PCDHGA4: variants seen among roughly 807,000 people sequenced by gnomAD.
PCDHGA4 encodes protocadherin gamma subfamily A, 4.
A neutral mutation model predicts 54.6 loss-of-function variants in PCDHGA4; 38 were observed. The ratio of observed to expected loss-of-function variants is 0.70; its 90% confidence interval spans 0.54 to 0.91. The LOEUF (loss-of-function observed/expected upper bound fraction) is 0.91. Ranked by LOEUF, PCDHGA4 falls within the 40% of genes least tolerant of loss-of-function variation. The pLI is 0.00. For synonymous variants in PCDHGA4, 511 were observed against 512.9 expected, an observed-to-expected ratio of 1.00 and a Z score of 0.05; for missense variants, 1,298 against 1,220.9, an observed-to-expected ratio of 1.06 and a Z score of -0.94.
chr5:141,451,593 C>A (rs2098719809), intron 1 of PCDHGA4, among the ~76,000 whole-genome samples: 1 of 152,042 alleles, frequency 6.6e-6, no homozygotes, highest in African/African-American at 2.4e-5. Context: ...TTGAAAGTGA[C>A]ATACAAGGCT....
At chr5:141,447,636 T>C (rs772671166) in intron 1 of PCDHGA4, among the ~76,000 whole-genome samples, 49 of 152,136 alleles carry the variant, frequency 3.2e-4, no homozygotes, top group Non-Finnish European at 5.3e-4. Context: ...ACAGTATGAA[T>C]GATGGTAGAA....
chr5:141,357,313 C>T lies in PCDHGA4; in HGVS notation c.2206C>T (p.Leu736=). 1.9e-6 allele frequency: 3 copies of T among 1,614,110 alleles called. No homozygotes were observed. Among genetic ancestry groups the T allele is most frequent in the Non-Finnish European group, 2.5e-6 (3 of 1,179,952 alleles). ...VAVAAVSCVF[L]AFVTVLLALK... ...AGTGGCCGCTGTCTCCTGCGTCTTC[C>T]TGGCTTTTGTCACGGTGCTGCTAGC... Residue 736 remains leucine (L), a synonymous_variant, in exon 1 of 4, where the codon CTG becomes TTG. Transcript: ENST00000571252.
chr5:141,470,652 C>T (rs923672818), intron 1 of PCDHGA4, among the ~76,000 whole-genome samples: 1 of 152,100 alleles, frequency 6.6e-6, no homozygotes, highest in African/African-American at 2.4e-5. Context: ...AAGGCCCCTA[C>T]CCTTTGGTTA....
chr5:141,426,589 T>G (rs2096945227), intron 1 of PCDHGA4: 1 of 369,180 alleles, frequency 2.7e-6, no homozygotes, highest in South Asian at 2.0e-5. Context: ...ATCCTCTGTG[T>G]CATACCCTTA....
rs1259098111 is a variant in PCDHGA4 at position 141,489,418 on chromosome 5, T to C, written c.2515-5389T>C. On this transcript the variant is annotated intron_variant, in intron 1 of 3. Coordinates refer to ENST00000571252, the MANE Select transcript of PCDHGA4 (RefSeq NM_018917.4). This position sits in a 1 kb window ranked among gnomAD's most constrained non-coding sequence, Gnocchi z 4.5. ...TCTGGGCTTAAAGATGACAGATCTGTTGAGCCGGCGGCTGCAATTGGGCTC... is the reference window on the plus strand; with the variant it reads ...TCTGGGCTTAAAGATGACAGATCTGCTGAGCCGGCGGCTGCAATTGGGCTC... The C allele has an allele frequency of 1.2e-6, 2 of 1,614,174 alleles. No individual in the cohort carries two copies. The highest frequency in any genetic ancestry group is 8.5e-7 in the Non-Finnish European group (1 of 1,180,032).
intron 1 of PCDHGA4, chr5:141,384,203 A>T (rs568171038): frequency 6.2e-7 from 1 of 1,613,900 alleles, no homozygotes; most frequent in African/African-American, 1.3e-5. Context: ...TTGTCCAGGG[A>T]AACTCACATA....
At chr5:141,371,910 T>C in intron 1 of PCDHGA4, 1 of 1,613,364 alleles carries the variant, frequency 6.2e-7, no homozygotes, top group South Asian at 1.1e-5. Flanking sequence ...GTCCTACGTG[T>C]CCGTGAGCGC....
Position 141,431,859 on chromosome 5 carries a change from C to T in PCDHGA4, c.2515-62948C>T. ...AACTCTCCCAGAGGGACATTAATTG[C>T]CCTTTTAAATGTAAATGACCAAGAT... On this transcript the variant is annotated intron_variant, in intron 1 of 3. Coordinates refer to ENST00000571252, the MANE Select transcript of PCDHGA4 (RefSeq NM_018917.4). The surrounding 1 kb of genome is among the most constrained non-coding windows in gnomAD (Gnocchi z 4.8). 3.1e-6 allele frequency: 5 copies of T among 1,614,178 alleles called. No homozygotes were observed. The highest frequency in any genetic ancestry group is 4.2e-6 in the Non-Finnish European group (5 of 1,180,008).
Position 141,506,556 on chromosome 5 carries a change from AC to A in PCDHGA4, c.2662+1080del, listed in dbSNP as rs560503002. Among the ~76,000 whole-genome samples the A allele has an allele frequency of 4.0e-4, 60 of 151,718 alleles. 1 individual carries two copies. In the East Asian group the frequency reaches 0.011, roughly 28 times the overall value. ...AATGAGTCCTTAGGTAAGTTATTAA[AC>A]CCCCTCGGTTTCACTTACTATTAAT... On this transcript the variant is annotated intron_variant, in intron 3 of 3. Coordinates refer to ENST00000571252, the MANE Select transcript of PCDHGA4 (RefSeq NM_018917.4).
At chr5:141,378,836 C>T (rs912790603) in intron 1 of PCDHGA4, 1 of 152,138 alleles carries the variant, frequency 6.6e-6, no homozygotes, top group African/African-American at 2.4e-5. Flanking sequence ...CAGAAAACAG[C>T]AGAGTTTTTG....
chr5:141,394,925 C>T (rs771405918), intron 1 of PCDHGA4: 9 of 1,613,696 alleles, frequency 5.6e-6, no homozygotes, highest in South Asian at 1.1e-5. Context: ...CCTGTGTCTT[C>T]CTCGCCTTTG....
chr5:141,375,629 G>A (rs567513392), intron 1 of PCDHGA4: 3 of 1,614,192 alleles, frequency 1.9e-6, no homozygotes, highest in Admixed American at 1.7e-5. Flanking sequence ...GATTCTGTAC[G>A]CCCTGCGCTC....
At chr5:141,410,595 C>T (rs753833671) in intron 1 of PCDHGA4, 1 of 1,608,802 alleles carries the variant, frequency 6.2e-7, no homozygotes. Flanking sequence ...GAGGATTTGA[C>T]TTCACATCCT....
At position 141,431,389 on chromosome 5, in the gene PCDHGA4, G is replaced by A; in HGVS notation, c.2515-63418G>A. 2 of 1,613,876 alleles carry A rather than the reference G, an allele frequency of 1.2e-6. No individual in the cohort carries two copies. The highest frequency in any genetic ancestry group is 1.7e-6 in the Non-Finnish European group (2 of 1,180,040). ...GCGAAGAAAAGGCTGCTCACCACCT[G>A]GTCCTTACGGCCTCCGACGGGGGCG... On this transcript the variant is annotated intron_variant, in intron 1 of 3. Coordinates refer to ENST00000571252, the MANE Select transcript of PCDHGA4 (RefSeq NM_018917.4). This position sits in a 1 kb window ranked among gnomAD's most constrained non-coding sequence, Gnocchi z 4.8.
At chr5:141,450,006 CTTTTTTT>C (rs1554136305) in intron 1 of PCDHGA4, among the ~76,000 whole-genome samples, 12 of 132,986 alleles carry the variant, frequency 9.0e-5, no homozygotes, top group Non-Finnish European at 1.7e-4. Context: ...TGCCATGTCT[CTTTTTTT>C]TTTTTTTTTT....
At chr5:141,382,968 CT>C (rs774014579) in intron 1 of PCDHGA4, 26 of 1,609,208 alleles carry the variant, frequency 1.6e-5, no homozygotes, top group Admixed American at 8.4e-5. Context: ...TGGGGACCCC[CT>C]GGGAAGCCTG....
intron 1 of PCDHGA4, chr5:141,421,172 G>A: frequency 7.3e-7 from 1 of 1,366,164 alleles, no homozygotes; most frequent in Non-Finnish European, 9.8e-7. Context: ...AGATACATAA[G>A]CCGATTCACA....
In PCDHGA4 at chr5:141,477,532, C is replaced by T. The variant is rs754570150; in HGVS notation, c.2515-17275C>T. On this transcript the variant is annotated intron_variant, in intron 1 of 3. Transcript: ENST00000571252. This position sits in a 1 kb window ranked among gnomAD's most constrained non-coding sequence, Gnocchi z 4.9. ...TTTACATTGAAGAAAACAACCTCCC[C>T]GGGGCTCCAATACTAAACCTAAGTG... 2.5e-6 allele frequency: 4 copies of T among 1,614,028 alleles called. No individual in the cohort carries two copies. Among genetic ancestry groups the T allele is most frequent in the Admixed American group, 1.7e-5 (1 of 60,000 alleles).
At chr5:141,371,254 A>T in intron 1 of PCDHGA4, 1 of 1,614,046 alleles carries the variant, frequency 6.2e-7, no homozygotes, top group Admixed American at 1.7e-5. Context: ...ATTGGCAAGG[A>T]AGTGAGACAA....
Sources: allele counts gnomAD v4.1 joint callset (sites outside exome capture counted in the v4.1 genomes callset), GRCh38; gene constraint gnomAD v4.1.1; non-coding constraint Gnocchi (gnomAD v3.1); transcripts MANE v1.5; gene names NCBI Gene and HGNC (gene_info 2026-07-23, HGNC 2026-07-21).